The following NDC1 variants were observed in gnomAD, a reference collection of about 807,000 sequenced individuals.
NDC1 encodes nucleoporin NDC1.
NDC1 carries 24 observed loss-of-function variants against 89.8 expected under a neutral mutation model. The ratio of observed to expected loss-of-function variants is 0.27; its 90% CI spans 0.19 to 0.38. The LOEUF (loss-of-function observed/expected upper bound fraction) is 0.38, where lower values mean the gene tolerates loss of function less well. Ranked by LOEUF, NDC1 falls within the 10% of genes least tolerant of loss-of-function variation. The pLI is 1.00. For missense variants in NDC1, 728 were observed against 797.6 expected, an observed-to-expected ratio of 0.91 and a Z score of 1.05; for synonymous variants, 296 against 284.8, an observed-to-expected ratio of 1.04 and a Z score of -0.39.
chr1:53,829,948 T>G (rs1332106095), intron 3 of NDC1, among the ~76,000 whole-genome samples: 1 of 151,944 alleles, frequency 6.6e-6, no homozygotes, highest in African/African-American at 2.4e-5. Flanking sequence ...TTCAGGAGTT[T>G]GAGACCAGCC....
chr1:53,800,654 A>G (rs1431633203), intron 11 of NDC1, 39 bp downstream of exon 11: 1 of 1,605,090 alleles, frequency 6.2e-7, no homozygotes, highest in Admixed American at 1.7e-5. Context: ...AGGAAATAAA[A>G]TGTAAATGTT....
At chr1:53,792,918 C>G (rs1356545403) in intron 14 of NDC1, among the ~76,000 whole-genome samples, 2 of 152,202 alleles carry the variant, frequency 1.3e-5, no homozygotes, top group African/African-American at 4.8e-5. Context: ...ACCAGATAGC[C>G]ACACAAATGT....
At position 53,787,201 on chromosome 1, in the gene NDC1, G is replaced by A. The variant is rs140071660; in HGVS notation, c.1757C>T (p.Thr586Met). ...FTEDRFGVVQTTLPAILNTLL... is the reference protein window; with the variant it reads ...FTEDRFGVVQMTLPAILNTLL... ...AGTATTAAGGATAGCTGGTAGTGTC[G>A]TCTGGACAACTCCAAATCTATCCTC... The change falls in exon 16 of 18, where the codon ACG (threonine) becomes ATG (methionine). Residue 586 changes from threonine (T) to methionine (M), a missense_variant. By Grantham distance (81) the Thr-to-Met change is moderately conservative. Transcript: ENST00000371429. 29 of 1,610,138 alleles carry A rather than the reference G, an allele frequency of 1.8e-5. No individual in the cohort carries two copies. Among genetic ancestry groups the A allele is most frequent in the African/African-American group, 2.7e-5 (2 of 74,566 alleles).
intron 10 of NDC1, among the ~76,000 whole-genome samples, chr1:53,803,641 G>C (rs574016927): frequency 1.3e-5 from 2 of 151,928 alleles, no homozygotes; most frequent in East Asian, 3.9e-4. Flanking sequence ...GCGCAATCTC[G>C]GCTCACTGCA....
At chr1:53,789,672 G>A (rs1479758757) in intron 14 of NDC1, among the ~76,000 whole-genome samples, 1 of 151,724 alleles carries the variant, frequency 6.6e-6, no homozygotes, top group Non-Finnish European at 1.5e-5. Context: ...GGTGGCAGGT[G>A]CCTGTAATCC....
chr1:53,776,960 T>C (rs1015430695), intron 16 of NDC1, among the ~76,000 whole-genome samples: 11 of 152,174 alleles, frequency 7.2e-5, no homozygotes, highest in African/African-American at 2.7e-4. Context: ...ACTAGATCTA[T>C]AATATACCTT....
At chr1:53,837,803 T>C (rs2100702893) in intron 1 of NDC1, among the ~76,000 whole-genome samples, 1 of 152,352 alleles carries the variant, frequency 6.6e-6, no homozygotes, top group South Asian at 2.1e-4. Context: ...CCCTGCTTAC[T>C]GGACCCTAAC....
intron 3 of NDC1, among the ~76,000 whole-genome samples, chr1:53,831,310 A>G (rs1444767905): frequency 6.6e-6 from 1 of 152,238 alleles, no homozygotes. Context: ...TGACATTATG[A>G]TAAACTAATT....
In NDC1 at chr1:53,772,359, C is replaced by T. The variant is rs777133467; in HGVS notation, c.1931G>A (p.Arg644Gln). ...FRASLKTAIY[R>Q]ITTTFGEHLN... ...ATGTTCACCAAATGTAGTAGTTATTCGATAGATGGCAGTTTTCAGTGATGC... is the reference window on the plus strand; with the variant it reads ...ATGTTCACCAAATGTAGTAGTTATTTGATAGATGGCAGTTTTCAGTGATGC... Residue 644 changes from arginine (R) to glutamine (Q), a missense_variant, in exon 17 of 18, where the codon CGA becomes CAA. Coordinates refer to ENST00000371429, the MANE Select transcript of NDC1 (RefSeq NM_018087.5). 33 of 1,613,522 alleles carry T rather than the reference C, an allele frequency of 2.0e-5. No individual in the cohort carries two copies. Among genetic ancestry groups the T allele is most frequent in the African/African-American group, 6.7e-5 (5 of 74,874 alleles).
At chr1:53,835,403 T>C in intron 2 of NDC1, 97 bp downstream of exon 2, 6 of 891,864 alleles carry the variant, frequency 6.7e-6, no homozygotes, top group Non-Finnish European at 5.1e-6. Context: ...CAATATAACA[T>C]AGGCAGTAAT....
intron 1 of NDC1, among the ~76,000 whole-genome samples, chr1:53,836,015 G>A (rs1649220775): frequency 6.6e-6 from 1 of 152,090 alleles, no homozygotes; most frequent in Admixed American, 6.5e-5. Flanking sequence ...CCTTTACTGG[G>A]CAACTACGGC....
intron 16 of NDC1, among the ~76,000 whole-genome samples, chr1:53,775,613 A>G (rs1425688601): frequency 6.6e-6 from 1 of 152,082 alleles, no homozygotes; most frequent in East Asian, 1.9e-4. Flanking sequence ...ATCAATTCCA[A>G]TGGCTTTTTT....
At chr1:53,798,179 T>TATTATTA (rs1191540424) in intron 11 of NDC1, among the ~76,000 whole-genome samples, 2 of 146,252 alleles carry the variant, frequency 1.4e-5, no homozygotes, top group East Asian at 2.0e-4. Flanking sequence ...TTATTATTAT[T>TATTATTA]ATTATTTTGA....
chr1:53,798,410 G>A (rs1272542466), intron 11 of NDC1, among the ~76,000 whole-genome samples: 2 of 151,264 alleles, frequency 1.3e-5, no homozygotes, highest in Non-Finnish European at 2.9e-5. Flanking sequence ...CTCATGATCC[G>A]CCCACCTCGG....
At chr1:53,786,192 T>A (rs74887698) in intron 16 of NDC1, among the ~76,000 whole-genome samples, 6,724 of 152,048 alleles carry the variant, frequency 0.044, 423 homozygotes, top group African/African-American at 0.14. Context: ...TCCCAAAGTG[T>A]TGGGATTATA....
intron 16 of NDC1, among the ~76,000 whole-genome samples, chr1:53,781,970 T>C (rs1439505830): frequency 6.6e-6 from 1 of 152,084 alleles, no homozygotes; most frequent in Non-Finnish European, 1.5e-5. Flanking sequence ...AGGTACTATA[T>C]CAGATGATGG....
intron 16 of NDC1, 136 bp downstream of exon 16, chr1:53,787,022 G>A: frequency 1.7e-6 from 1 of 577,960 alleles, no homozygotes; most frequent in East Asian, 2.8e-5. Context: ...GTAATTTCCT[G>A]AGGGTGAAAA....
chr1:53,795,731 A>G (rs529426486), intron 13 of NDC1, among the ~76,000 whole-genome samples: 1 of 152,306 alleles, frequency 6.6e-6, no homozygotes, highest in Admixed American at 6.5e-5. Flanking sequence ...CCACTAGATT[A>G]CTTAACACCT....
chr1:53,777,318 C>G lies in NDC1; in HGVS notation c.1801-4829G>C, dbSNP rs1238150497. On this transcript the variant is annotated intron_variant, in intron 16 of 17. Transcript: ENST00000371429. ...GGATTACAGATGTGAGCCATCATGTCCAACCTTGTTGAATTTTTTTTAAAT... is the reference window on the plus strand; with the variant it reads ...GGATTACAGATGTGAGCCATCATGTGCAACCTTGTTGAATTTTTTTTAAAT... 2.6e-5 allele frequency among the ~76,000 whole-genome samples: 4 copies of G among 152,164 alleles called. No individual in the cohort carries two copies. In the East Asian group the frequency reaches 7.7e-4, roughly 29 times the overall value.
Sources: allele counts gnomAD v4.1 joint callset (sites outside exome capture counted in the v4.1 genomes callset), GRCh38; gene constraint gnomAD v4.1.1; transcripts MANE v1.5; gene names NCBI Gene and HGNC (gene_info 2026-07-23, HGNC 2026-07-21).